The following DRICH1 variants were observed in gnomAD, a reference collection of about 807,000 sequenced individuals.
The protein encoded by DRICH1 is aspartate-rich protein 1.
In DRICH1, 38 loss-of-function variants were observed where a neutral mutation model predicts 39.5. The ratio of observed to expected loss-of-function variants is 0.96; its 90% CI spans 0.74 to 1.26. The LOEUF (loss-of-function observed/expected upper bound fraction) is 1.26, where lower values mean the gene tolerates loss of function less well. Ranked by LOEUF, DRICH1 falls within the 50% of genes most tolerant of loss-of-function variation. The pLI is 0.00. For synonymous variants in DRICH1, 84 were observed against 99.5 expected, an observed-to-expected ratio of 0.84 and a Z score of 0.93; for missense variants, 279 against 270.4, an observed-to-expected ratio of 1.03 and a Z score of -0.22.
At chr22:23,595,511 A>C in the DRICH1 span, among the ~76,000 whole-genome samples, 1 of 152,180 alleles carries the variant, frequency 6.6e-6, no homozygotes, top group South Asian at 2.1e-4. Flanking sequence ...CTTGAGGTCT[A>C]AGTGATGGGA....
At chr22:23,620,764 G>A in intron 4 of DRICH1, 149 bp from the exon 5 acceptor site, 1 of 865,964 alleles carries the variant, frequency 1.2e-6, no homozygotes, top group Non-Finnish European at 1.9e-6. Context: ...CTAGCATAGA[G>A]AACACCTGTG....
In DRICH1 at chr22:23,622,095, GCATCATCAT is replaced by G. The variant is rs3831377; in HGVS notation, c.371_379del (p.Asp124_Asp126del). 1.2e-5 allele frequency: 19 copies of G among 1,599,342 alleles called. No individual in the cohort carries two copies. The South Asian group carries it at 1.3e-4, about 11-fold the overall frequency. On this transcript the variant is annotated inframe_deletion, in exon 4 of 12. Coordinates refer to ENST00000317749, the MANE Select transcript of DRICH1 (RefSeq NM_016449.4). ...GACAAAGAAAGATTGTCTTACCTGG[GCATCATCAT>G]CATCATCATCATCACAGTCATCATC...
the DRICH1 span, among the ~76,000 whole-genome samples, chr22:23,589,921 G>T: frequency 2.0e-5 from 3 of 152,170 alleles, no homozygotes; most frequent in African/African-American, 7.2e-5. Flanking sequence ...GGCTCTCAGT[G>T]CTCCAGACAT....
chr22:23,627,475 G>T (rs550433841), intron 1 of DRICH1, among the ~76,000 whole-genome samples: 4 of 152,192 alleles, frequency 2.6e-5, no homozygotes, highest in Non-Finnish European at 4.4e-5. Context: ...ACATGAGGAA[G>T]ACATGACTCC....
chr22:23,601,809 C>T, the DRICH1 span, among the ~76,000 whole-genome samples: 29 of 152,346 alleles, frequency 1.9e-4, no homozygotes, highest in East Asian at 5.4e-3. Flanking sequence ...ACATCCTTTA[C>T]GTTTGCATTT....
the DRICH1 span, among the ~76,000 whole-genome samples, chr22:23,591,750 G>A: frequency 6.6e-6 from 1 of 152,208 alleles, no homozygotes; most frequent in Non-Finnish European, 1.5e-5. Context: ...TAGGAAATAC[G>A]TAAATACACC....
At chr22:23,585,209 C>T in the DRICH1 span, among the ~76,000 whole-genome samples, 1 of 152,128 alleles carries the variant, frequency 6.6e-6, no homozygotes, top group Non-Finnish European at 1.5e-5. Flanking sequence ...GCAATCAGGG[C>T]TGACTGCAGC....
the DRICH1 span, among the ~76,000 whole-genome samples, chr22:23,601,388 C>G: frequency 6.6e-6 from 1 of 152,222 alleles, no homozygotes; most frequent in Non-Finnish European, 1.5e-5. Context: ...AATGAACAAA[C>G]TAGGTTGCAA....
At chr22:23,586,138 T>A in the DRICH1 span, among the ~76,000 whole-genome samples, 2 of 152,246 alleles carry the variant, frequency 1.3e-5, no homozygotes, top group Non-Finnish European at 2.9e-5. Flanking sequence ...TTTGTCCCTG[T>A]AGCTCAGCAG....
In DRICH1 at chr22:23,617,665, C is replaced by T. The variant is rs775240189; in HGVS notation, c.437-8G>A. ...GGTTGTCCTCAGAAGAACCTGGAAGCACACAGAGGAAAGATCCGTGCCCTG... is the reference window on the plus strand; with the variant it reads ...GGTTGTCCTCAGAAGAACCTGGAAGTACACAGAGGAAAGATCCGTGCCCTG... On this transcript the variant is annotated splice_polypyrimidine_tract_variant and splice_region_variant and intron_variant, in intron 6 of 11. Coordinates refer to ENST00000317749, the MANE Select transcript of DRICH1 (RefSeq NM_016449.4). The T allele has an allele frequency of 2.5e-6, 4 of 1,609,998 alleles. No individual in the cohort carries two copies. The African/African-American group carries it at 4.0e-5, about 16-fold the overall frequency.
chr22:23,619,545 C>G (rs1396504729), intron 5 of DRICH1, 152 bp from the exon 6 acceptor site: 1 of 530,696 alleles, frequency 1.9e-6, no homozygotes, highest in Non-Finnish European at 3.5e-6. Context: ...CAGCATGCTT[C>G]CAGCATGGAG....
chr22:23,624,852 C>T, intron 3 of DRICH1, 31 bp downstream of exon 3: 1 of 1,609,794 alleles, frequency 6.2e-7, no homozygotes, highest in Non-Finnish European at 8.5e-7. Flanking sequence ...AAGTTTGTTT[C>T]TCAGAAAGTG....
At chr22:23,621,866 G>T (rs1362556846) in intron 4 of DRICH1, among the ~76,000 whole-genome samples, 1 of 151,864 alleles carries the variant, frequency 6.6e-6, no homozygotes, top group East Asian at 1.9e-4. Flanking sequence ...TTGCACCACT[G>T]CACTCCAGCC....
At chr22:23,601,140 A>ACG in the DRICH1 span, among the ~76,000 whole-genome samples, 1,875 of 142,646 alleles carry the variant, frequency 0.013, 10 homozygotes, top group African/African-American at 0.029. Context: ...GACCTAACGC[A>ACG]CGCGCGCACA....
the DRICH1 span, among the ~76,000 whole-genome samples, chr22:23,600,033 T>G: frequency 1.3e-5 from 2 of 151,594 alleles, no homozygotes; most frequent in African/African-American, 4.8e-5. Flanking sequence ...GAAGGATGGG[T>G]GTGTGTGTGT....
chr22:23,596,184 C>T, the DRICH1 span, among the ~76,000 whole-genome samples: 1 of 152,164 alleles, frequency 6.6e-6, no homozygotes. Flanking sequence ...GAGTCTGATT[C>T]CATCTAGCAC....
chr22:23,621,016 AT>A (rs1164837826), intron 4 of DRICH1, among the ~76,000 whole-genome samples: 7 of 152,214 alleles, frequency 4.6e-5, no homozygotes, highest in Admixed American at 3.9e-4. Context: ...AGAACTGTGT[AT>A]GTTGTATATA....
At chr22:23,617,430 T>C (rs1927426750) in intron 7 of DRICH1, 145 bp downstream of exon 7, 6 of 942,478 alleles carry the variant, frequency 6.4e-6, no homozygotes, top group Non-Finnish European at 1.0e-5. Flanking sequence ...TGGCAATGCC[T>C]GCTTGTTGGG....
chr22:23,582,298 C>T, the DRICH1 span, among the ~76,000 whole-genome samples: 7 of 149,404 alleles, frequency 4.7e-5, no homozygotes, highest in East Asian at 2.0e-4. Context: ...TTTTTTGAGA[C>T]GGAGTCTCAC....
Sources: gnomAD v4.1 joint callset for allele counts (sites outside exome capture counted in the v4.1 genomes callset) on GRCh38, gnomAD v4.1.1 for gene constraint, MANE v1.5 for transcripts, NCBI Gene and HGNC (gene_info 2026-07-23, HGNC 2026-07-21) for gene names.